Variants in MGAT4C observed in about 807,000 individuals in gnomAD.
The protein encoded by MGAT4C is alpha-1,3-mannosyl-glycoprotein 4-beta-N-acetylglucosaminyltransferase C.
A neutral mutation model predicts 40.1 loss-of-function variants in MGAT4C; 19 were observed. That is an observed-to-expected ratio of 0.47 (90% CI 0.33 to 0.70). The LOEUF (loss-of-function observed/expected upper bound fraction) is 0.70. MGAT4C is among the 30% of genes least tolerant of loss of function. The pLI, the probability that MGAT4C is intolerant of heterozygous loss-of-function variation, is 0.02. For synonymous variants in MGAT4C, 181 were observed against 187.1 expected, an observed-to-expected ratio of 0.97 and a Z score of 0.27; for missense variants, 491 against 563.2, an observed-to-expected ratio of 0.87 and a Z score of 1.30.
intron 1 of MGAT4C, among the ~76,000 whole-genome samples, chr12:86,212,161 A>G (rs982354712): frequency 3.3e-5 from 5 of 152,162 alleles, no homozygotes; most frequent in Non-Finnish European, 7.3e-5. Context: ...TCTCGTTTGC[A>G]TATCCACTAA....
chr12:86,385,177 T>A (rs986712310), intron 3 of MGAT4C, among the ~76,000 whole-genome samples: 7 of 152,182 alleles, frequency 4.6e-5, no homozygotes. Flanking sequence ...TAAATCTGAC[T>A]GAGTTACATA....
At chr12:86,753,234 G>C (rs543691142) in intron 1 of MGAT4C, among the ~76,000 whole-genome samples, 1 of 152,040 alleles carries the variant, frequency 6.6e-6, no homozygotes, top group Non-Finnish European at 1.5e-5. Flanking sequence ...ACAGGAATGA[G>C]GGCAAGGAAC....
At chr12:86,106,995 A>G (rs1348670268) in intron 1 of MGAT4C, among the ~76,000 whole-genome samples, 1 of 152,178 alleles carries the variant, frequency 6.6e-6, no homozygotes, top group East Asian at 1.9e-4. Flanking sequence ...CCATGAATGA[A>G]GAGCACTCTT....
At chr12:86,452,748 T>C (rs1050431390) in intron 2 of MGAT4C, among the ~76,000 whole-genome samples, 1 of 152,148 alleles carries the variant, frequency 6.6e-6, no homozygotes, top group African/African-American at 2.4e-5. Context: ...GATTAATACA[T>C]GTAAAGGTAC....
intron 2 of MGAT4C, among the ~76,000 whole-genome samples, chr12:86,026,370 C>T (rs527727162): frequency 4.0e-5 from 6 of 151,762 alleles, no homozygotes; most frequent in Non-Finnish European, 8.9e-5. Flanking sequence ...TAAACACACA[C>T]ACACCTATTT....
intron 2 of MGAT4C, among the ~76,000 whole-genome samples, chr12:86,525,267 C>T (rs1323264736): frequency 2.0e-5 from 3 of 152,136 alleles, no homozygotes; most frequent in Non-Finnish European, 4.4e-5. Context: ...TCCCACCATC[C>T]TCTCTCTCCT....
intron 2 of MGAT4C, among the ~76,000 whole-genome samples, chr12:86,447,875 C>G (rs551719501): frequency 2.8e-4 from 42 of 152,270 alleles, no homozygotes; most frequent in Non-Finnish European, 4.3e-4. Context: ...GTAACATTCC[C>G]TCTTACCACT....
intron 1 of MGAT4C, among the ~76,000 whole-genome samples, chr12:86,765,625 G>T (rs1951491563): frequency 6.6e-6 from 1 of 152,132 alleles, no homozygotes; most frequent in South Asian, 2.1e-4. Flanking sequence ...AGAAAGGTCG[G>T]GTTACCCACA....
chr12:86,213,068 A>ACGTT (rs1276009416), intron 1 of MGAT4C, among the ~76,000 whole-genome samples: 1 of 152,078 alleles, frequency 6.6e-6, no homozygotes, highest in Non-Finnish European at 1.5e-5. Context: ...TCAGGAAGTG[A>ACGTT]CGTTTCCTTT....
At chr12:86,753,719 CTT>C (rs1162422984) in intron 1 of MGAT4C, among the ~76,000 whole-genome samples, 1 of 152,012 alleles carries the variant, frequency 6.6e-6, no homozygotes, top group Non-Finnish European at 1.5e-5. Context: ...GGTTTGAACA[CTT>C]TACAAAAAGA....
intron 2 of MGAT4C, among the ~76,000 whole-genome samples, chr12:86,702,921 A>G (rs576005006): frequency 6.8e-4 from 103 of 152,334 alleles, no homozygotes; most frequent in Non-Finnish European, 1.1e-3. Flanking sequence ...TCTAGAAAGA[A>G]TTCATTTTTA....
intron 3 of MGAT4C, among the ~76,000 whole-genome samples, chr12:86,415,480 G>C (rs1956690438): frequency 6.6e-6 from 1 of 152,014 alleles, no homozygotes; most frequent in Non-Finnish European, 1.5e-5. Context: ...ATATGAAAAA[G>C]TGATGGAACA....
At chr12:86,395,461 C>T (rs1179317509) in intron 3 of MGAT4C, among the ~76,000 whole-genome samples, 1 of 152,194 alleles carries the variant, frequency 6.6e-6, no homozygotes, top group Non-Finnish European at 1.5e-5. Context: ...ATGGAAAATA[C>T]ACTAAGCGCC....
chr12:86,838,726 C>T (rs968312136), exon 1 of MGAT4C: 2 of 152,188 alleles, frequency 1.3e-5, no homozygotes, highest in African/African-American at 4.8e-5. Context: ...ATCCTCTGAT[C>T]TATTGCCCGC....
intron 2 of MGAT4C, among the ~76,000 whole-genome samples, chr12:86,444,953 T>G (rs186412890): frequency 6.6e-6 from 1 of 152,338 alleles, no homozygotes; most frequent in East Asian, 1.9e-4. Context: ...ACTTCATTTA[T>G]ATAAGATTCT....
Position 86,338,751 on chromosome 12 carries a change from GGAGTTT to G in MGAT4C, c.-119-4630_-119-4625del, listed in dbSNP as rs1954840805. On this transcript the variant is annotated intron_variant, in intron 3 of 7. Coordinates refer to the MGAT4C transcript ENST00000548651. ...GAGGTAGCTGGATCGCTTGAGGTTA[GGAGTTT>G]GAGACCAGCCTGGCCAACATCGTGA... is the stretch of plus-strand genomic sequence containing the variant. Among the ~76,000 whole-genome samples the G allele has an allele frequency of 2.0e-5, 3 of 152,050 alleles. No homozygotes were observed. The South Asian group carries it at 6.2e-4, about 32-fold the overall frequency.
chr12:86,259,656 G>T (rs540435192), upstream of MGAT4C, among the ~76,000 whole-genome samples: 64 of 148,620 alleles, frequency 4.3e-4, no homozygotes, highest in Non-Finnish European at 8.3e-4. Context: ...CAACTAAAAT[G>T]GCCAGCTAGC....
chr12:86,313,332 T>A (rs1279560832), intron 4 of MGAT4C, among the ~76,000 whole-genome samples: 1 of 152,152 alleles, frequency 6.6e-6, no homozygotes, highest in Non-Finnish European at 1.5e-5. Context: ...GTAAGAGATA[T>A]GGAGAAACAA....
At chr12:86,191,334 G>A (rs1007410259) in intron 1 of MGAT4C, among the ~76,000 whole-genome samples, 2 of 151,900 alleles carry the variant, frequency 1.3e-5, no homozygotes, top group East Asian at 1.9e-4. Flanking sequence ...ATGTTTTGTG[G>A]TGTGACGTGG....
Sources: gnomAD v4.1 joint callset for allele counts (sites outside exome capture counted in the v4.1 genomes callset) on GRCh38, gnomAD v4.1.1 for gene constraint, MANE v1.5 for transcripts, NCBI Gene and HGNC (gene_info 2026-07-23, HGNC 2026-07-21) for gene names.